Variants in HERC1 observed in about 807,000 individuals in gnomAD.
The protein encoded by HERC1 is probable E3 ubiquitin-protein ligase HERC1.
A neutral mutation model predicts 554.3 loss-of-function variants in HERC1; 160 were observed. The observed-to-expected ratio is 0.29, with a 90% CI of 0.25 to 0.33. HERC1 has a LOEUF of 0.33. HERC1 is among the 10% of genes least tolerant of loss of function. HERC1 has a pLI of 1.00. For missense variants in HERC1, 4,919 were observed against 5,918.5 expected (o/e 0.83, Z 5.54); for synonymous variants, 2,175 against 2,131.7 (o/e 1.02, Z -0.56).
At chr15:63,715,188 C>T (rs1201096766) in intron 22 of HERC1, among the ~76,000 whole-genome samples, 1 of 152,140 alleles carries the variant, frequency 6.6e-6, no homozygotes, top group Non-Finnish European at 1.5e-5. Context: ...TGAGGTAGTA[C>T]TAGAACTTTA....
intron 2 of HERC1, among the ~76,000 whole-genome samples, chr15:63,771,653 A>T (rs2075960898): frequency 6.6e-6 from 1 of 151,990 alleles, no homozygotes; most frequent in Non-Finnish European, 1.5e-5. Flanking sequence ...GCTTGTCTCA[A>T]AACTCCTGAC....
At chr15:63,628,258 A>G (rs759093745) in intron 70 of HERC1, among the ~76,000 whole-genome samples, 15 of 152,010 alleles carry the variant, frequency 9.9e-5, no homozygotes, top group Non-Finnish European at 1.9e-4. Flanking sequence ...CAGGAATGGT[A>G]GTGCATGCCT....
At chr15:63,747,135 T>C (rs182309859) in intron 11 of HERC1, 52 bp from the exon 12 acceptor site, 2 of 1,517,176 alleles carry the variant, frequency 1.3e-6, no homozygotes, top group East Asian at 4.8e-5. Context: ...GTGCCTGTGC[T>C]ATCCAGTTTG....
At chr15:63,664,192 A>C (rs2070497516) in intron 43 of HERC1, among the ~76,000 whole-genome samples, 1 of 152,232 alleles carries the variant, frequency 6.6e-6, no homozygotes. Context: ...TAATTGACTG[A>C]GAGCAGAAGG....
rs1566987589 is a variant in HERC1, at chr15:63,664,474, T to C, written c.8676A>G (p.Arg2892=). ...FDLAARTLLA[R]AAGLYRSVQA... is the part of the protein sequence containing the mutation. ...GGATACGGAACATAAAATTACCTGC[T>C]CTTGCTAGCAGTGTGCGAGCAGCTA... Residue 2892 remains arginine (R), a synonymous_variant, in exon 43 of 78, where the codon AGA becomes AGG. Coordinates refer to ENST00000443617, the MANE Select transcript of HERC1 (RefSeq NM_003922.4). The C allele has an allele frequency of 1.1e-5, 18 of 1,609,300 alleles. No individual in the cohort carries two copies. Among genetic ancestry groups the C allele is most frequent in the Non-Finnish European group, 1.5e-5 (18 of 1,176,904 alleles).
intron 25 of HERC1, among the ~76,000 whole-genome samples, chr15:63,706,519 G>T (rs2073014018): frequency 6.6e-6 from 1 of 151,962 alleles, no homozygotes; most frequent in Admixed American, 6.6e-5. Flanking sequence ...CAAAATACAT[G>T]ACAAATGAGA....
chr15:63,807,766 G>T (rs1055789338), intron 1 of HERC1, among the ~76,000 whole-genome samples: 1 of 152,066 alleles, frequency 6.6e-6, no homozygotes, highest in Non-Finnish European at 1.5e-5. Context: ...ACATCACTCA[G>T]TTGAGATATG....
At chr15:63,829,501 C>T (rs35177986) in intron 1 of HERC1, among the ~76,000 whole-genome samples, 15,330 of 43,404 alleles carry the variant, frequency 0.35, 1,330 homozygotes, top group Non-Finnish European at 0.46. Flanking sequence ...TATATATATA[C>T]ACACACACAC....
chr15:63,821,726 C>CAAAAAAAAAAAAAAAA (rs35074987), intron 1 of HERC1, among the ~76,000 whole-genome samples: 28 of 62,466 alleles, frequency 4.5e-4, no homozygotes, highest in African/African-American at 1.8e-3. Flanking sequence ...TACCCTGTCT[C>CAAAAAAAAAAAAAAAA]AAAAAAAAAA....
intron 2 of HERC1, among the ~76,000 whole-genome samples, chr15:63,771,013 A>AC (rs2075937030): frequency 6.6e-6 from 1 of 152,088 alleles, no homozygotes; most frequent in Admixed American, 6.6e-5. Context: ...ACATGGTGAA[A>AC]CCCCGTCTCT....
chr15:63,630,454 A>G lies in HERC1; in HGVS notation c.12966+12T>C. On this transcript the variant is annotated intron_variant, in intron 69 of 77. Transcript: ENST00000443617. ...AGAATATGAGAAAGCAGCAAGCAAT[A>G]TAAATATTTACCTGCCCTTCTGAAT... 2 of 1,606,420 alleles carry G rather than the reference A, an allele frequency of 1.2e-6. No homozygotes were observed. Among genetic ancestry groups the G allele is most frequent in the Non-Finnish European group, 1.7e-6 (2 of 1,176,580 alleles).
chr15:63,825,987 T>G (rs1371985299), intron 1 of HERC1, among the ~76,000 whole-genome samples: 1 of 151,946 alleles, frequency 6.6e-6, no homozygotes, highest in Admixed American at 6.6e-5. Flanking sequence ...GGTCTCAAAC[T>G]CCTGACCTCA....
chr15:63,688,359 G>A (rs952419524), intron 33 of HERC1, among the ~76,000 whole-genome samples: 2 of 152,140 alleles, frequency 1.3e-5, no homozygotes, highest in African/African-American at 4.8e-5. Context: ...ACGTGATTAA[G>A]GGTGCCATTT....
At chr15:63,642,448 C>T (rs1477898602) in intron 59 of HERC1, among the ~76,000 whole-genome samples, 1 of 152,164 alleles carries the variant, frequency 6.6e-6, no homozygotes, top group Non-Finnish European at 1.5e-5. Context: ...ACCAATTCTC[C>T]CGCCTCAGCC....
At chr15:63,770,838 G>A (rs2075930577) in intron 2 of HERC1, among the ~76,000 whole-genome samples, 1 of 152,160 alleles carries the variant, frequency 6.6e-6, no homozygotes, top group African/African-American at 2.4e-5. Context: ...GGGGTCTAGT[G>A]TATCAGAAGA....
At chr15:63,788,990 C>CATGTT (rs1452509262) in intron 1 of HERC1, among the ~76,000 whole-genome samples, 1 of 148,658 alleles carries the variant, frequency 6.7e-6, no homozygotes, top group Non-Finnish European at 1.5e-5. Context: ...TAACCAATTT[C>CATGTT]ATGTTATGTT....
Position 63,694,935 on chromosome 15 carries a change from A to G in HERC1, c.5122-41T>C. The G allele has an allele frequency of 6.4e-7, 1 of 1,569,414 alleles. No individual in the cohort carries two copies. The highest frequency in any genetic ancestry group is 1.4e-5 in the African/African-American group (1 of 73,668). On this transcript the variant is annotated intron_variant, in intron 27 of 77. Coordinates refer to ENST00000443617, the MANE Select transcript of HERC1 (RefSeq NM_003922.4). This position sits in a 1 kb window ranked among gnomAD's most constrained non-coding sequence, Gnocchi z 4.3. The stretch of plus-strand genomic sequence containing the variant: ...AGAATTACTTTTTCTATTAGCAACA[A>G]TAATACCTGCTTGCAAAAAGAAGTA...
At chr15:63,684,209 T>G (rs1292922165) in intron 34 of HERC1, among the ~76,000 whole-genome samples, 3 of 152,186 alleles carry the variant, frequency 2.0e-5, no homozygotes, top group Non-Finnish European at 4.4e-5. Flanking sequence ...TCTAGAATAG[T>G]TGCAGTTTGC....
intron 22 of HERC1, among the ~76,000 whole-genome samples, chr15:63,714,817 G>C (rs909758059): frequency 6.6e-6 from 1 of 151,980 alleles, no homozygotes; most frequent in Non-Finnish European, 1.5e-5. Context: ...AAAGTGCTGG[G>C]ATTACAGCCG....
Sources: allele counts gnomAD v4.1 joint callset (sites outside exome capture counted in the v4.1 genomes callset), GRCh38; gene constraint gnomAD v4.1.1; non-coding constraint Gnocchi (gnomAD v3.1); transcripts MANE v1.5; gene names NCBI Gene and HGNC (gene_info 2026-07-23, HGNC 2026-07-21).